Variants in FGGY observed in about 807,000 individuals in gnomAD.
FGGY encodes FGGY carbohydrate kinase domain-containing protein.
A neutral mutation model predicts 71.3 loss-of-function variants in FGGY; 72 were observed. The observed-to-expected ratio is 1.01, with a 90% CI of 0.84 to 1.23. The LOEUF is 1.23. Among genes scored for constraint, FGGY ranks in the 50% most tolerant of loss-of-function variants. The pLI, the probability that FGGY is intolerant of heterozygous loss-of-function variation, is 0.00. For missense variants in FGGY, 668 were observed against 682.3 expected (o/e 0.98, Z 0.23); for synonymous variants, 251 against 250.3 (o/e 1.00, Z -0.02).
At chr1:59,760,613 C>T (rs2098333244) in intron 15 of FGGY, among the ~76,000 whole-genome samples, 1 of 152,124 alleles carries the variant, frequency 6.6e-6, no homozygotes, top group South Asian at 2.1e-4. Context: ...ATTATTCAGC[C>T]TTAGAAAGAA....
chr1:59,398,126 G>A (rs1431477852), intron 5 of FGGY, among the ~76,000 whole-genome samples: 2 of 152,156 alleles, frequency 1.3e-5, no homozygotes, highest in African/African-American at 4.8e-5. Flanking sequence ...CAACTTACAT[G>A]ATGATCCTGT....
chr1:59,573,452 G>A (rs1416689798), intron 8 of FGGY, among the ~76,000 whole-genome samples: 3 of 151,008 alleles, frequency 2.0e-5, no homozygotes, highest in African/African-American at 2.5e-5. Flanking sequence ...ATGTGTGTGT[G>A]TATATATATG....
At chr1:59,591,107 C>G (rs1033820185) in intron 8 of FGGY, among the ~76,000 whole-genome samples, 1 of 152,114 alleles carries the variant, frequency 6.6e-6, no homozygotes, top group South Asian at 2.1e-4. Context: ...GATACAAAAT[C>G]AATGTGCAAA....
intron 13 of FGGY, among the ~76,000 whole-genome samples, chr1:59,672,668 A>G (rs777323891): frequency 2.0e-5 from 3 of 152,184 alleles, no homozygotes; most frequent in African/African-American, 4.8e-5. Flanking sequence ...TTCTCTGGGT[A>G]GCTGGAGGAA....
intron 7 of FGGY, among the ~76,000 whole-genome samples, chr1:59,550,497 G>A (rs1217478197): frequency 6.6e-6 from 1 of 152,108 alleles, no homozygotes; most frequent in Non-Finnish European, 1.5e-5. Flanking sequence ...AACCTCTTGA[G>A]GGGAAATGAG....
chr1:59,517,310 G>A (rs1348943589), intron 7 of FGGY, among the ~76,000 whole-genome samples: 1 of 131,358 alleles, frequency 7.6e-6, no homozygotes, highest in East Asian at 2.3e-4. Flanking sequence ...CTGTCGCCCA[G>A]GCTGGAGTGC....
intron 15 of FGGY, 88 bp from the exon 16 acceptor site, chr1:59,762,415 C>A: frequency 1.1e-6 from 1 of 949,896 alleles, no homozygotes; most frequent in Non-Finnish European, 1.6e-6. Context: ...CACCACCACA[C>A]ATATATTTCC....
intron 7 of FGGY, among the ~76,000 whole-genome samples, chr1:59,531,811 A>G (rs996491370): frequency 3.3e-5 from 5 of 152,354 alleles, no homozygotes; most frequent in South Asian, 4.1e-4. Flanking sequence ...CTAAAAATAG[A>G]CAAACTTTAC....
At chr1:59,632,428 T>C (rs1031183935) in intron 10 of FGGY, among the ~76,000 whole-genome samples, 1 of 152,232 alleles carries the variant, frequency 6.6e-6, no homozygotes, top group Non-Finnish European at 1.5e-5. Context: ...CTAATTTTTC[T>C]TGATCTGATT....
chr1:59,599,887 A>G (rs1020815723), intron 8 of FGGY, among the ~76,000 whole-genome samples: 2 of 152,052 alleles, frequency 1.3e-5, no homozygotes, highest in Non-Finnish European at 2.9e-5. Context: ...GGGGCAGAGG[A>G]TTGGGAAATG....
intron 5 of FGGY, among the ~76,000 whole-genome samples, chr1:59,412,436 C>T (rs946671799): frequency 5.9e-5 from 9 of 152,166 alleles, no homozygotes; most frequent in Non-Finnish European, 1.0e-4. Context: ...ACCACAACTT[C>T]ATCTTGCCTC....
At chr1:59,504,868 T>G (rs1336896144) in intron 6 of FGGY, among the ~76,000 whole-genome samples, 3 of 152,136 alleles carry the variant, frequency 2.0e-5, no homozygotes, top group Non-Finnish European at 4.4e-5. Context: ...TGTCTTATGA[T>G]CTCTCGTCTT....
intron 15 of FGGY, among the ~76,000 whole-genome samples, chr1:59,760,007 A>G (rs538945486): frequency 1.3e-5 from 2 of 152,292 alleles, no homozygotes; most frequent in East Asian, 3.9e-4. Context: ...TAAAAAGGCA[A>G]CTCACAGAAT....
intron 1 of FGGY, among the ~76,000 whole-genome samples, chr1:59,319,686 A>T (rs566510013): frequency 6.6e-6 from 1 of 152,286 alleles, no homozygotes; most frequent in East Asian, 1.9e-4. Flanking sequence ...TTGAGAGCTT[A>T]TGAGGAGTTT....
intron 3 of FGGY, among the ~76,000 whole-genome samples, chr1:59,343,759 T>C (rs931791369): frequency 6.6e-6 from 1 of 152,230 alleles, no homozygotes; most frequent in African/African-American, 2.4e-5. Flanking sequence ...TTAATTCTAA[T>C]ACAGTAATGA....
At chr1:59,512,929 C>A (rs954639538) in intron 7 of FGGY, among the ~76,000 whole-genome samples, 5 of 152,188 alleles carry the variant, frequency 3.3e-5, no homozygotes, top group Non-Finnish European at 7.3e-5. Flanking sequence ...TCATAAAACA[C>A]CCGTTGAACA....
At chr1:59,656,904 T>C (rs780662330) in intron 11 of FGGY, among the ~76,000 whole-genome samples, 2 of 152,226 alleles carry the variant, frequency 1.3e-5, no homozygotes, top group African/African-American at 2.4e-5. Flanking sequence ...ATTACATTGA[T>C]TATATCATTC....
intron 14 of FGGY, among the ~76,000 whole-genome samples, chr1:59,725,534 A>C (rs1340261479): frequency 6.6e-6 from 1 of 151,946 alleles, no homozygotes; most frequent in Non-Finnish European, 1.5e-5. Flanking sequence ...CAATTTATTT[A>C]TTTCATCAGA....
chr1:59,550,304 C>T (rs2095588481), intron 7 of FGGY, among the ~76,000 whole-genome samples: 3 of 152,044 alleles, frequency 2.0e-5, no homozygotes, highest in Admixed American at 2.0e-4. Context: ...GAAGAAAGCT[C>T]CTCCCACCTT....
Sources: gnomAD v4.1 joint callset for allele counts (sites outside exome capture counted in the v4.1 genomes callset) on GRCh38, gnomAD v4.1.1 for gene constraint, MANE v1.5 for transcripts, NCBI Gene and HGNC (gene_info 2026-07-23, HGNC 2026-07-21) for gene names.